The following GABARAPL1 variants were observed in gnomAD, a reference collection of about 807,000 sequenced individuals.
The protein encoded by GABARAPL1 is gamma-aminobutyric acid receptor-associated protein-like 1.
Under a neutral mutation model 14.5 loss-of-function variants are expected in GABARAPL1, and 4 were observed. The ratio of observed to expected loss-of-function variants is 0.28; its 90% CI spans 0.14 to 0.63. The LOEUF (loss-of-function observed/expected upper bound fraction) is 0.63, where lower values mean the gene tolerates loss of function less well. Among genes scored for constraint, GABARAPL1 ranks in the 30% least tolerant of loss-of-function variants. The probability of loss-of-function intolerance (pLI) is 0.84; values close to 1 mark genes in which losing one functional copy is unlikely to be tolerated. For missense variants in GABARAPL1, 82 were observed against 139.2 expected (o/e 0.59, Z 2.07); for synonymous variants, 47 against 50.6 (o/e 0.93, Z 0.30).
intron 2 of GABARAPL1, among the ~76,000 whole-genome samples, chr12:10,219,363 GTTAA>G (rs1287523618): frequency 6.6e-6 from 1 of 151,310 alleles, no homozygotes; most frequent in African/African-American, 2.4e-5. Flanking sequence ...ATTCGGCTTT[GTTAA>G]TTGTGATATC....
At chr12:10,219,701 G>T (rs1362667951) in intron 2 of GABARAPL1, among the ~76,000 whole-genome samples, 1 of 152,096 alleles carries the variant, frequency 6.6e-6, no homozygotes, top group African/African-American at 2.4e-5. Flanking sequence ...TCGGGAGGCT[G>T]AGGCAGGAGA....
chr12:10,216,837 G>A (rs1467869337), intron 1 of GABARAPL1, among the ~76,000 whole-genome samples: 1 of 151,970 alleles, frequency 6.6e-6, no homozygotes, highest in Non-Finnish European at 1.5e-5. Flanking sequence ...ATTGCGCCCG[G>A]CAATGATTAT....
At chr12:10,213,628 C>T (rs1255192516) in intron 1 of GABARAPL1, 5 of 346,028 alleles carry the variant, frequency 1.4e-5, no homozygotes, top group Non-Finnish European at 2.9e-5. Context: ...GTGAGGTTTG[C>T]GCAAACCCAG....
intron 1 of GABARAPL1, among the ~76,000 whole-genome samples, 159 bp from the exon 2 acceptor site, chr12:10,217,904 T>C (rs558409481): frequency 2.0e-3 from 304 of 152,216 alleles, no homozygotes; most frequent in African/African-American, 6.5e-3. Context: ...ATTTTTTTTG[T>C]ATAATTTTAT....
chr12:10,213,301 C>T, intron 1 of GABARAPL1, 82 bp downstream of exon 1: 1 of 841,460 alleles, frequency 1.2e-6, no homozygotes, highest in Non-Finnish European at 2.0e-6. Context: ...TTCCCTGGGG[C>T]GCCCAGGCGG....
chr12:10,220,421 T>G lies in GABARAPL1; in HGVS notation c.170-19T>G, dbSNP rs537396016. On this transcript the variant is annotated intron_variant, in intron 2 of 3. Coordinates refer to ENST00000266458, the MANE Select transcript of GABARAPL1 (RefSeq NM_031412.4). ...TTTTCTTACTTTCTTTTCTGCCCTT[T>G]TCTTCTTCCATCATCCAGTTGGCCA... is the stretch of plus-strand genomic sequence containing the variant. 2.5e-6 allele frequency: 4 copies of G among 1,611,894 alleles called. No homozygotes were observed. In the African/African-American group the frequency reaches 5.3e-5, roughly 22 times the overall value.
At chr12:10,217,377 A>G (rs1449254246) in intron 1 of GABARAPL1, among the ~76,000 whole-genome samples, 5 of 152,226 alleles carry the variant, frequency 3.3e-5, no homozygotes, top group Non-Finnish European at 7.3e-5. Flanking sequence ...TATGAGAAAT[A>G]ATAACTTACA....
Position 10,212,965 on chromosome 12 carries a change from C to A in GABARAPL1, c.-165C>A. On this transcript the variant is annotated 5_prime_UTR_variant, in exon 1 of 4. Transcript: ENST00000266458. The stretch of plus-strand genomic sequence containing the variant: ...TCCAGGCAGGCTCACCCGAGATCCC[C>A]GCCCCGAACCCCCCCTGCACACTCG... The A allele has an allele frequency of 1.7e-6, 1 of 596,856 alleles. No homozygotes were observed. The highest frequency in any genetic ancestry group is 3.0e-6 in the Non-Finnish European group (1 of 328,072). The allele number at this position is 596,856 out of a possible 1,614,324, so 37.0% of individuals were successfully genotyped here.
At chr12:10,220,998 TC>T in intron 3 of GABARAPL1, 1 of 985,434 alleles carries the variant, frequency 1.0e-6, no homozygotes, top group South Asian at 4.7e-5. Context: ...TAAAGCCAGC[TC>T]CTTCTAACTC....
At position 10,222,484 on chromosome 12, in the gene GABARAPL1, G is replaced by GT. The variant is rs1289015143; in HGVS notation, c.*634dup. On this transcript the variant is annotated 3_prime_UTR_variant, in exon 4 of 4. Coordinates refer to ENST00000266458, the MANE Select transcript of GABARAPL1 (RefSeq NM_031412.4). Reference sequence around the variant, plus strand: ...GATCTCTTACCTTTGGAAAATAGGGGTTAGGCATGAAGGTGGTTGTGATTA... The same window carrying GT: ...GATCTCTTACCTTTGGAAAATAGGGGTTTAGGCATGAAGGTGGTTGTGATTA... The GT allele has an allele frequency of 1.3e-5, 2 of 153,192 alleles. No homozygotes were observed. The highest frequency in any genetic ancestry group is 2.9e-5 in the Non-Finnish European group (2 of 68,478). 9.5% of individuals were successfully genotyped at this position (153,192 alleles called of 1,614,324 possible).
intron 3 of GABARAPL1, chr12:10,220,778 G>C: frequency 1.4e-6 from 2 of 1,478,400 alleles, no homozygotes; most frequent in Non-Finnish European, 1.8e-6. Context: ...CTGAAATCTT[G>C]TCTGACTATA....
At chr12:10,213,356 C>T (rs1949068858) in intron 1 of GABARAPL1, 137 bp downstream of exon 1, 2 of 709,176 alleles carry the variant, frequency 2.8e-6, no homozygotes, top group African/African-American at 1.8e-5. Flanking sequence ...CCTGAACGCC[C>T]TTCAGTGCCA....
Position 10,218,054 on chromosome 12 carries a change from T to C in GABARAPL1, c.91-9T>C, listed in dbSNP as rs1565437212. On this transcript the variant is annotated splice_polypyrimidine_tract_variant and intron_variant, in intron 1 of 3. Transcript: ENST00000266458. ...AGTTTTCATTCCTACTCTCCTCCTC[T>C]TCTTCCAGGTGATTGTAGAGAAGGC... 6.4e-7 allele frequency: 1 copy of C among 1,563,332 alleles called. No homozygotes were observed. The highest frequency in any genetic ancestry group is 1.4e-5 in the African/African-American group (1 of 73,778).
chr12:10,222,611 C>T lies in GABARAPL1; in HGVS notation c.*759C>T, dbSNP rs1949125541. Reference sequence around the variant, plus strand: ...TTCTCTTTGGTGCCCCTTATCTCACCCCTTCCTTGGAATTTAATAAGTCTC... The same window carrying T: ...TTCTCTTTGGTGCCCCTTATCTCACTCCTTCCTTGGAATTTAATAAGTCTC... On this transcript the variant is annotated 3_prime_UTR_variant, in exon 4 of 4. Coordinates refer to ENST00000266458, the MANE Select transcript of GABARAPL1 (RefSeq NM_031412.4). 1 of 152,248 alleles carries T rather than the reference C, an allele frequency of 6.6e-6. No individual in the cohort carries two copies. The highest frequency in any genetic ancestry group is 2.4e-5 in the African/African-American group (1 of 41,432). The allele number at this position is 152,248 out of a possible 1,614,324, so 9.4% of individuals were successfully genotyped here.
At chr12:10,216,264 C>T (rs925248799) in intron 1 of GABARAPL1, among the ~76,000 whole-genome samples, 8 of 151,860 alleles carry the variant, frequency 5.3e-5, no homozygotes, top group Admixed American at 2.0e-4. Context: ...CCTGCTACTC[C>T]GGAGGCTGAG....
chr12:10,221,567 C>T, intron 3 of GABARAPL1: 1 of 490,282 alleles, frequency 2.0e-6, no homozygotes, highest in Non-Finnish European at 2.6e-6. Context: ...TCTTCATATC[C>T]CTGATACCTA....
chr12:10,213,512 CGT>C (rs1949070274), intron 1 of GABARAPL1: 1 of 373,778 alleles, frequency 2.7e-6, no homozygotes, highest in African/African-American at 2.2e-5. Context: ...CAGCTGAGAC[CGT>C]GTGTGGGTTG....
At chr12:10,221,031 G>A in intron 3 of GABARAPL1, 1 of 985,316 alleles carries the variant, frequency 1.0e-6, no homozygotes, top group Non-Finnish European at 1.2e-6. Flanking sequence ...TCTGCCAACT[G>A]AAGGATTCTC....
chr12:10,213,385 A>T (rs1265304721), intron 1 of GABARAPL1, 166 bp downstream of exon 1: 1 of 692,498 alleles, frequency 1.4e-6, no homozygotes, highest in Admixed American at 2.0e-5. Flanking sequence ...GGACGTCCAG[A>T]CTGTAGAGCT....
Sources: gnomAD v4.1 joint callset for allele counts (sites outside exome capture counted in the v4.1 genomes callset) on GRCh38, gnomAD v4.1.1 for gene constraint, MANE v1.5 for transcripts, NCBI Gene and HGNC (gene_info 2026-07-23, HGNC 2026-07-21) for gene names.